UBE2E2: variants seen among roughly 807,000 people sequenced by gnomAD.
The protein encoded by UBE2E2 is ubiquitin conjugating enzyme E2 E2, also known as ubiquitin-conjugating enzyme E2 E2.
In UBE2E2, 6 loss-of-function variants were observed where a neutral mutation model predicts 24.7. The ratio of observed to expected loss-of-function variants is 0.24; its 90% CI spans 0.13 to 0.48. The LOEUF (loss-of-function observed/expected upper bound fraction) is 0.48. Ranked by LOEUF, UBE2E2 falls within the 20% of genes least tolerant of loss-of-function variation. The probability of loss-of-function intolerance (pLI) is 0.99; values close to 1 mark genes in which losing one functional copy is unlikely to be tolerated. For missense variants in UBE2E2, 169 were observed against 245.0 expected, an observed-to-expected ratio of 0.69 and a Z score of 2.07; for synonymous variants, 104 against 83.6, an observed-to-expected ratio of 1.24 and a Z score of -1.33.
rs34339205 is a variant in UBE2E2 at position 23,343,100 on chromosome 3, G to GTATA, written c.227+125796_227+125799dup. On this transcript the variant is annotated intron_variant, in intron 3 of 5. Coordinates refer to ENST00000396703, the MANE Select transcript of UBE2E2 (RefSeq NM_152653.4). ...ATGTTAAAACCTTACATATTAGTAT[G>GTATA]TATATATATATGTGAATGCATACAT... 6.7e-3 allele frequency among the ~76,000 whole-genome samples: 1,004 copies of GTATA among 150,780 alleles called. 15 individuals are homozygous for GTATA. The highest frequency in any genetic ancestry group is 0.021 in the African/African-American group (868 of 41,070).
intron 3 of UBE2E2, among the ~76,000 whole-genome samples, chr3:23,283,815 T>TA (rs1249564451): frequency 1.3e-5 from 2 of 151,306 alleles, no homozygotes; most frequent in Non-Finnish European, 2.9e-5. Context: ...GGGAGGTTGT[T>TA]ACAAATGCAG....
intron 3 of UBE2E2, among the ~76,000 whole-genome samples, chr3:23,447,300 G>A (rs543407425): frequency 6.6e-6 from 1 of 152,174 alleles, no homozygotes; most frequent in East Asian, 1.9e-4. Flanking sequence ...ATGGGTGAAA[G>A]GAAGTGAAAG....
At chr3:23,433,736 A>G (rs1030177428) in intron 3 of UBE2E2, among the ~76,000 whole-genome samples, 13 of 152,018 alleles carry the variant, frequency 8.6e-5, no homozygotes, top group African/African-American at 3.1e-4. Context: ...GACAAATTTA[A>G]CAGAATGAGA....
chr3:23,353,541 C>T (rs1443861714), intron 3 of UBE2E2, among the ~76,000 whole-genome samples: 12 of 152,192 alleles, frequency 7.9e-5, no homozygotes, highest in Non-Finnish European at 1.8e-4. Context: ...AGCAAAGTCT[C>T]AGGATACAAA....
chr3:23,574,278 CAGTT>C (rs1343722306), intron 5 of UBE2E2, among the ~76,000 whole-genome samples: 5 of 152,204 alleles, frequency 3.3e-5, no homozygotes, highest in Middle Eastern at 3.4e-3. Context: ...TGGATACAAA[CAGTT>C]AGAAAGAATG....
intron 3 of UBE2E2, among the ~76,000 whole-genome samples, chr3:23,475,011 T>G (rs1217968322): frequency 6.6e-6 from 1 of 152,048 alleles, no homozygotes; most frequent in Non-Finnish European, 1.5e-5. Context: ...GATAGAACTT[T>G]CTCCATGTTT....
At chr3:23,360,390 T>C (rs2125330631) in intron 3 of UBE2E2, among the ~76,000 whole-genome samples, 1 of 152,268 alleles carries the variant, frequency 6.6e-6, no homozygotes, top group East Asian at 1.9e-4. Flanking sequence ...GCCAGAACAG[T>C]ACTGAATGCT....
At chr3:23,535,379 G>A (rs149549246) in intron 5 of UBE2E2, among the ~76,000 whole-genome samples, 1,721 of 152,236 alleles carry the variant, frequency 0.011, 10 homozygotes, top group Non-Finnish European at 0.017. Flanking sequence ...AGATAGTATC[G>A]AATAGTATCT....
At chr3:23,412,380 G>A (rs762813594) in intron 3 of UBE2E2, among the ~76,000 whole-genome samples, 1 of 151,958 alleles carries the variant, frequency 6.6e-6, no homozygotes, top group Non-Finnish European at 1.5e-5. Flanking sequence ...AGTAGTGACA[G>A]CAGCAAGACT....
At chr3:23,516,659 T>C (rs1018003624) in intron 4 of UBE2E2, among the ~76,000 whole-genome samples, 4 of 152,178 alleles carry the variant, frequency 2.6e-5, no homozygotes, top group Non-Finnish European at 2.9e-5. Flanking sequence ...AAATTTATTC[T>C]TGTATCCTCT....
intron 5 of UBE2E2, among the ~76,000 whole-genome samples, chr3:23,568,070 A>T (rs1696118447): frequency 6.6e-6 from 1 of 152,136 alleles, no homozygotes; most frequent in Non-Finnish European, 1.5e-5. Flanking sequence ...CACCCATGTG[A>T]CTCACCAGAC....
In UBE2E2 at chr3:23,258,762, G is replaced by A. The variant is rs548435901; in HGVS notation, c.227+41450G>A. On this transcript the variant is annotated intron_variant, in intron 3 of 5. Transcript: ENST00000396703. Reference sequence around the variant, plus strand: ...CAAAAAATTAGCCGGGCGTGGTGGCGGGCGCCTGTAGTCCCAGCTACTCGG... The same window carrying A: ...CAAAAAATTAGCCGGGCGTGGTGGCAGGCGCCTGTAGTCCCAGCTACTCGG... Among the ~76,000 whole-genome samples the A allele has an allele frequency of 4.6e-5, 7 of 151,728 alleles. No homozygotes were observed. The East Asian group carries it at 5.8e-4, about 13-fold the overall frequency.
chr3:23,459,870 TA>T (rs1469978210), intron 3 of UBE2E2, among the ~76,000 whole-genome samples: 1 of 152,238 alleles, frequency 6.6e-6, no homozygotes, highest in Non-Finnish European at 1.5e-5. Flanking sequence ...ATATTTGTGT[TA>T]GTTTTAAATG....
chr3:23,589,432 A>G lies in UBE2E2; in HGVS notation c.509-302A>G, dbSNP rs1696709006. ...AGCAACACCCTGTCTCAAAAGAAAA[A>G]AAAAAAAACCAATACGAGGGGAGCA... On this transcript the variant is annotated intron_variant, in intron 5 of 5. Transcript: ENST00000396703. This position sits in a 1 kb window ranked among gnomAD's most constrained non-coding sequence, Gnocchi z 4.1. Among the ~76,000 whole-genome samples, 1 of 151,978 alleles carries G rather than the reference A, an allele frequency of 6.6e-6. No individual in the cohort carries two copies. Among genetic ancestry groups the G allele is most frequent in the African/African-American group, 2.4e-5 (1 of 41,374 alleles).
At chr3:23,475,254 A>C (rs991082142) in intron 3 of UBE2E2, among the ~76,000 whole-genome samples, 1 of 152,012 alleles carries the variant, frequency 6.6e-6, no homozygotes, top group Non-Finnish European at 1.5e-5. Flanking sequence ...TAATCCACTC[A>C]TAGGGGTTAT....
intron 5 of UBE2E2, among the ~76,000 whole-genome samples, chr3:23,543,467 C>A (rs1464919731): frequency 6.7e-6 from 1 of 149,740 alleles, no homozygotes; most frequent in Non-Finnish European, 1.5e-5. Flanking sequence ...ACAATAGCTG[C>A]AAAAATAAAA....
At chr3:23,412,672 C>CA (rs2125382852) in intron 3 of UBE2E2, among the ~76,000 whole-genome samples, 1 of 152,292 alleles carries the variant, frequency 6.6e-6, no homozygotes, top group East Asian at 1.9e-4. Flanking sequence ...AACAACTCTT[C>CA]TTTCCTCATG....
chr3:23,509,565 CT>C (rs1274705895), intron 4 of UBE2E2, among the ~76,000 whole-genome samples: 1 of 151,674 alleles, frequency 6.6e-6, no homozygotes, highest in African/African-American at 2.4e-5. Flanking sequence ...TTGATTTTTT[CT>C]TTTTTTTAAT....
intron 3 of UBE2E2, chr3:23,271,301 C>T (rs916878360): frequency 9.9e-5 from 29 of 292,484 alleles, no homozygotes; most frequent in African/African-American, 6.4e-4. Flanking sequence ...GGAGTTTCTT[C>T]CTTCTGGTGG....
Sources: allele counts gnomAD v4.1 joint callset (sites outside exome capture counted in the v4.1 genomes callset), GRCh38; gene constraint gnomAD v4.1.1; non-coding constraint Gnocchi (gnomAD v3.1); transcripts MANE v1.5; gene names NCBI Gene and HGNC (gene_info 2026-07-23, HGNC 2026-07-21).